CENPK: variants seen among roughly 807,000 people sequenced by gnomAD.
CENPK encodes the protein centromere protein K, also known as SoxLZ/Sox6-binding protein Solt.
In CENPK, 46 loss-of-function variants were observed where a neutral mutation model predicts 40.9. The observed-to-expected ratio is 1.13, with a 90% CI of 0.89 to 1.44. The LOEUF is 1.44. Ranked by LOEUF, CENPK falls within the 40% of genes most tolerant of loss-of-function variation. The pLI, the probability that CENPK is intolerant of heterozygous loss-of-function variation, is 0.00. For missense variants in CENPK, 288 were observed against 303.5 expected (o/e 0.95, Z 0.38); for synonymous variants, 107 against 104.4 (o/e 1.02, Z -0.15).
At chr5:65,525,624 G>C (rs1328032240) in intron 9 of CENPK, among the ~76,000 whole-genome samples, 2 of 152,140 alleles carry the variant, frequency 1.3e-5, no homozygotes, top group African/African-American at 4.8e-5. Flanking sequence ...ACTGAACGAT[G>C]TCTCCCCAAA....
the CENPK span, among the ~76,000 whole-genome samples, chr5:65,498,468 C>T: frequency 7.9e-5 from 12 of 152,064 alleles, no homozygotes; most frequent in East Asian, 9.7e-4. Context: ...CAGTTACAAT[C>T]GTCTTAAATA....
chr5:65,495,980 G>A, the CENPK span, among the ~76,000 whole-genome samples: 1 of 152,232 alleles, frequency 6.6e-6, no homozygotes, highest in South Asian at 2.1e-4. Flanking sequence ...TTAGTGGCCA[G>A]GCAAGGCGGC....
At chr5:65,519,967 A>G (rs763367800) in intron 10 of CENPK, among the ~76,000 whole-genome samples, 11 of 152,178 alleles carry the variant, frequency 7.2e-5, no homozygotes, top group Admixed American at 2.0e-4. Flanking sequence ...CACTGACAAT[A>G]TGAGCCTTGG....
chr5:65,526,244 C>T (rs1447691511), intron 9 of CENPK, among the ~76,000 whole-genome samples: 3 of 151,592 alleles, frequency 2.0e-5, no homozygotes, highest in Admixed American at 1.3e-4. Flanking sequence ...AGACTGGGAC[C>T]AGAAAATAAA....
At chr5:65,514,747 T>A (rs536538018), downstream of CENPK, among the ~76,000 whole-genome samples, 2 of 152,364 alleles carry the variant, frequency 1.3e-5, no homozygotes, top group Admixed American at 6.5e-5. Flanking sequence ...TTTATAAGTT[T>A]ATGCAAGGCA....
intron 3 of CENPK, among the ~76,000 whole-genome samples, chr5:65,553,484 T>G (rs1292856561): frequency 6.6e-6 from 1 of 152,156 alleles, no homozygotes; most frequent in Non-Finnish European, 1.5e-5. Flanking sequence ...ACCAACATAC[T>G]CTAGTGTACC....
chr5:65,515,588 G>A (rs894366829), downstream of CENPK, among the ~76,000 whole-genome samples: 1 of 152,176 alleles, frequency 6.6e-6, no homozygotes, highest in South Asian at 2.1e-4. Context: ...TATGTGTTTA[G>A]AAGTGTGTTC....
At position 65,528,415 on chromosome 5, in the gene CENPK, TATG is replaced by T. The variant is rs761761092; in HGVS notation, c.597+34_597+36del. ...TAAACCCACCTAAAATAATTTCAAA[TATG>T]ATAATTTACATAAATGTCTTCTCTA... On this transcript the variant is annotated intron_variant, in intron 9 of 10. Coordinates refer to ENST00000396679, the MANE Select transcript of CENPK (RefSeq NM_022145.5). 2.6e-6 allele frequency: 4 copies of T among 1,554,962 alleles called. No homozygotes were observed. The African/African-American group carries it at 5.6e-5, about 22-fold the overall frequency.
At chr5:65,514,963 A>G (rs915723157), downstream of CENPK, among the ~76,000 whole-genome samples, 3 of 151,444 alleles carry the variant, frequency 2.0e-5, no homozygotes, top group African/African-American at 7.3e-5. Flanking sequence ...TTGTTATGGT[A>G]AAAGTTTTAT....
the CENPK span, among the ~76,000 whole-genome samples, chr5:65,511,873 A>T: frequency 6.6e-6 from 1 of 152,126 alleles, no homozygotes; most frequent in Non-Finnish European, 1.5e-5. Context: ...TGACAAAAAG[A>T]TCAGAGATGG....
chr5:65,556,777 T>G (rs886801615), intron 2 of CENPK, among the ~76,000 whole-genome samples: 1 of 152,246 alleles, frequency 6.6e-6, no homozygotes, highest in African/African-American at 2.4e-5. Context: ...ACATTCATGG[T>G]AAAAGCCCTA....
chr5:65,557,248 A>G (rs1751131287), intron 2 of CENPK, among the ~76,000 whole-genome samples: 1 of 152,220 alleles, frequency 6.6e-6, no homozygotes, highest in Non-Finnish European at 1.5e-5. Context: ...GAGAATTGAC[A>G]ATTTATTTAG....
At chr5:65,554,682 T>A in intron 3 of CENPK, 115 bp downstream of exon 3, 1 of 664,900 alleles carries the variant, frequency 1.5e-6, no homozygotes, top group South Asian at 1.9e-5. Flanking sequence ...TATAAATATT[T>A]ATCATACATA....
At chr5:65,545,504 G>A (rs1457239489) in intron 5 of CENPK, among the ~76,000 whole-genome samples, 1 of 152,062 alleles carries the variant, frequency 6.6e-6, no homozygotes, top group Non-Finnish European at 1.5e-5. Context: ...TGCACATCCA[G>A]TGAAAATATC....
At chr5:65,531,109 A>AT (rs1379806976) in intron 6 of CENPK, among the ~76,000 whole-genome samples, 1 of 152,154 alleles carries the variant, frequency 6.6e-6, no homozygotes, top group Admixed American at 6.5e-5. Context: ...GTGAGCTATG[A>AT]TATCAACACT....
At chr5:65,536,854 A>T (rs1454103286) in intron 6 of CENPK, among the ~76,000 whole-genome samples, 3 of 152,168 alleles carry the variant, frequency 2.0e-5, no homozygotes, top group Admixed American at 2.0e-4. Context: ...TGACTATAGA[A>T]ACTTGGTTGC....
intron 2 of CENPK, chr5:65,561,209 G>A (rs892053120): frequency 2.5e-5 from 6 of 240,928 alleles, no homozygotes; most frequent in Non-Finnish European, 5.2e-5. Context: ...ATACCCATAA[G>A]ATACAGTTTA....
At position 65,521,545 on chromosome 5, in the gene CENPK, A is replaced by G. The variant is rs935034132; in HGVS notation, c.598-17T>C. 6.6e-7 allele frequency: 1 copy of G among 1,514,972 alleles called. No homozygotes were observed. The highest frequency in any genetic ancestry group is 9.2e-7 in the Non-Finnish European group (1 of 1,092,680). 93.8% of individuals were successfully genotyped at this position (1,514,972 alleles called of 1,614,324 possible). ...AATGTTTTTCTTCAAGAGAAATGTG[A>G]ATAACAAACAATTACCACTTCACTT... On this transcript the variant is annotated splice_polypyrimidine_tract_variant and intron_variant, in intron 9 of 10. Coordinates refer to ENST00000396679, the MANE Select transcript of CENPK (RefSeq NM_022145.5).
At chr5:65,545,469 G>A (rs1489103350) in intron 5 of CENPK, among the ~76,000 whole-genome samples, 1 of 151,882 alleles carries the variant, frequency 6.6e-6, no homozygotes, top group East Asian at 1.9e-4. Flanking sequence ...ACATTTTTAA[G>A]TGCTAAAAGA....
Sources: allele counts gnomAD v4.1 joint callset (sites outside exome capture counted in the v4.1 genomes callset), GRCh38; gene constraint gnomAD v4.1.1; transcripts MANE v1.5; gene names NCBI Gene and HGNC (gene_info 2026-07-23, HGNC 2026-07-21).